DPYSL3: variants seen among roughly 807,000 people sequenced by gnomAD.
The protein encoded by DPYSL3 is dihydropyrimidinase-related protein 3.
DPYSL3 carries 16 observed loss-of-function variants against 66.1 expected under a neutral mutation model. The ratio of observed to expected loss-of-function variants is 0.24; its 90% CI spans 0.16 to 0.37. The LOEUF (loss-of-function observed/expected upper bound fraction) is 0.37, where lower values mean the gene tolerates loss of function less well. Among genes scored for constraint, DPYSL3 ranks in the 10% least tolerant of loss-of-function variants. The probability of loss-of-function intolerance (pLI) is 1.00; values close to 1 mark genes in which losing one functional copy is unlikely to be tolerated. For synonymous variants in DPYSL3, 338 were observed against 345.1 expected (o/e 0.98, Z 0.23); for missense variants, 738 against 916.2 (o/e 0.81, Z 2.51).
chr5:147,471,329 T>C (rs535672450), intron 1 of DPYSL3, among the ~76,000 whole-genome samples: 1 of 152,312 alleles, frequency 6.6e-6, no homozygotes, highest in Non-Finnish European at 1.5e-5. Context: ...GATTCAGATG[T>C]AAGCCTCCAC....
chr5:147,434,259 G>T (rs146651092), intron 1 of DPYSL3, among the ~76,000 whole-genome samples: 1 of 152,226 alleles, frequency 6.6e-6, no homozygotes, highest in African/African-American at 2.4e-5. Context: ...AGCCAAGTCA[G>T]TGCTTTAGAG....
chr5:147,419,930 G>A (rs1473069161), intron 2 of DPYSL3, among the ~76,000 whole-genome samples: 1 of 152,160 alleles, frequency 6.6e-6, no homozygotes, highest in South Asian at 2.1e-4. Flanking sequence ...AAGGAAAATT[G>A]AGAACCAAGG....
chr5:147,427,850 A>G (rs116809540), intron 1 of DPYSL3, among the ~76,000 whole-genome samples: 1 of 152,132 alleles, frequency 6.6e-6, no homozygotes, highest in Non-Finnish European at 1.5e-5. Flanking sequence ...TCATAACTCA[A>G]TGCTTTCCTG....
At chr5:147,503,069 T>C (rs1433519061) in intron 1 of DPYSL3, among the ~76,000 whole-genome samples, 1 of 152,094 alleles carries the variant, frequency 6.6e-6, no homozygotes, top group Non-Finnish European at 1.5e-5. Context: ...CTCTCAAAAA[T>C]TGTTCAATAA....
chr5:147,472,266 GT>G (rs1269841988), intron 1 of DPYSL3, among the ~76,000 whole-genome samples: 39 of 152,268 alleles, frequency 2.6e-4, no homozygotes, highest in African/African-American at 7.7e-4. Flanking sequence ...ATGAAATAAA[GT>G]TGTTCATAAC....
intron 8 of DPYSL3, among the ~76,000 whole-genome samples, chr5:147,405,375 G>A (rs970595086): frequency 1.2e-4 from 18 of 152,324 alleles, no homozygotes; most frequent in Non-Finnish European, 2.4e-4. Context: ...AGAAGAACTG[G>A]TTCAAGCTGT....
chr5:147,502,856 G>A (rs887399829), intron 1 of DPYSL3, among the ~76,000 whole-genome samples: 2 of 152,060 alleles, frequency 1.3e-5, no homozygotes, highest in African/African-American at 4.8e-5. Context: ...GATTACAAGC[G>A]TGAGCCACTG....
chr5:147,403,952 T>C (rs1758265043), intron 8 of DPYSL3, among the ~76,000 whole-genome samples: 1 of 152,092 alleles, frequency 6.6e-6, no homozygotes, highest in Admixed American at 6.6e-5. Flanking sequence ...GACCAGCATA[T>C]AACTAAAACA....
chr5:147,486,373 T>C (rs890871870), intron 1 of DPYSL3, among the ~76,000 whole-genome samples: 1 of 152,194 alleles, frequency 6.6e-6, no homozygotes, highest in South Asian at 2.1e-4. Flanking sequence ...TGCTCAAAAA[T>C]TTTTATTTTT....
chr5:147,463,143 T>C (rs1752959695), intron 1 of DPYSL3, among the ~76,000 whole-genome samples: 1 of 152,122 alleles, frequency 6.6e-6, no homozygotes. Flanking sequence ...CCACTACTTT[T>C]GCTCCAGCAC....
At chr5:147,507,719 G>T (rs773514748) in intron 1 of DPYSL3, among the ~76,000 whole-genome samples, 1 of 152,174 alleles carries the variant, frequency 6.6e-6, no homozygotes, top group Non-Finnish European at 1.5e-5. Context: ...TAGAAATCCT[G>T]CTGATGCCTA....
At position 147,413,725 on chromosome 5, in the gene DPYSL3, G is replaced by A; in HGVS notation, c.821-68C>T. 9 of 1,326,232 alleles carry A rather than the reference G, an allele frequency of 6.8e-6. No homozygotes were observed. The South Asian group carries it at 1.1e-4, about 16-fold the overall frequency. 82.2% of individuals were successfully genotyped at this position (1,326,232 alleles called of 1,614,324 possible). A position where few individuals can be genotyped will look rare whatever the true frequency, so the allele number is the denominator to read the frequency against. On this transcript the variant is annotated intron_variant, in intron 4 of 13. Transcript: ENST00000343218. ...TTATCATGACTGTCCTCCATCCTTT[G>A]CTCCCACTTCCATCGACCATAGCAC...
chr5:147,409,696 T>G (rs1260748527), intron 6 of DPYSL3, among the ~76,000 whole-genome samples: 4 of 152,126 alleles, frequency 2.6e-5, no homozygotes, highest in Non-Finnish European at 5.9e-5. Flanking sequence ...TCTTCAGCGT[T>G]ACTGGCATTC....
chr5:147,456,581 A>AT (rs985633099), intron 1 of DPYSL3, among the ~76,000 whole-genome samples: 3,777 of 80,398 alleles, frequency 0.047, 400 homozygotes, highest in African/African-American at 0.081. Context: ...TACTGATTCT[A>AT]TTTTTTTTTT....
intron 1 of DPYSL3, among the ~76,000 whole-genome samples, chr5:147,446,117 C>T (rs1752625425): frequency 6.6e-6 from 1 of 152,194 alleles, no homozygotes; most frequent in Admixed American, 6.5e-5. Context: ...GGCCTTAGAA[C>T]TCCTCTCTGT....
intron 12 of DPYSL3, among the ~76,000 whole-genome samples, chr5:147,397,417 A>T (rs951784939): frequency 1.3e-5 from 2 of 152,184 alleles, no homozygotes; most frequent in African/African-American, 4.8e-5. Flanking sequence ...AATTTAAATT[A>T]TTTTTAATAA....
At position 147,437,614 on chromosome 5, in the gene DPYSL3, G is replaced by A. The variant is rs182149405; in HGVS notation, c.382-12651C>T. 3.8e-3 allele frequency among the ~76,000 whole-genome samples: 582 copies of A among 152,278 alleles called. 3 individuals are homozygous for A. Among genetic ancestry groups the A allele is most frequent in the Middle Eastern group, 6.8e-3 (2 of 294 alleles). ...GGCCCCATGGAGAGTGTGGAAGGAAGGAATTGTCTCAAAGACCACAGATGT... is the reference window on the plus strand; with the variant it reads ...GGCCCCATGGAGAGTGTGGAAGGAAAGAATTGTCTCAAAGACCACAGATGT... On this transcript the variant is annotated intron_variant, in intron 1 of 13. Transcript: ENST00000343218.
intron 6 of DPYSL3, among the ~76,000 whole-genome samples, chr5:147,411,235 C>A (rs1751846540): frequency 6.6e-6 from 1 of 152,192 alleles, no homozygotes; most frequent in Admixed American, 6.5e-5. Flanking sequence ...GGCGAAAGTG[C>A]TGTCAGGGTC....
chr5:147,477,791 C>A (rs1753182269), intron 1 of DPYSL3, among the ~76,000 whole-genome samples: 1 of 151,020 alleles, frequency 6.6e-6, no homozygotes, highest in African/African-American at 2.4e-5. Flanking sequence ...ACCTTGTTAG[C>A]CAGGATGGTC....
Sources: allele counts gnomAD v4.1 joint callset (sites outside exome capture counted in the v4.1 genomes callset), GRCh38; gene constraint gnomAD v4.1.1; transcripts MANE v1.5; gene names NCBI Gene and HGNC (gene_info 2026-07-23, HGNC 2026-07-21).